Variants in ADTRP observed in about 807,000 individuals in gnomAD.
ADTRP encodes the protein androgen dependent TFPI regulating protein.
A neutral mutation model predicts 27.0 loss-of-function variants in ADTRP; 20 were observed. That is an observed-to-expected ratio of 0.74 (90% CI 0.52 to 1.08). The LOEUF is 1.08. Ranked by LOEUF, ADTRP falls within the 50% of genes least tolerant of loss-of-function variation. ADTRP has a pLI of 0.00. For missense variants in ADTRP, 251 were observed against 275.0 expected, an observed-to-expected ratio of 0.91 and a Z score of 0.62; for synonymous variants, 101 against 105.2, an observed-to-expected ratio of 0.96 and a Z score of 0.25.
intron 3 of ADTRP, among the ~76,000 whole-genome samples, chr6:11,747,983 G>A (rs1479858818): frequency 6.6e-6 from 1 of 152,116 alleles, no homozygotes; most frequent in Non-Finnish European, 1.5e-5. Flanking sequence ...ATCTGACCAC[G>A]GTGGATGTAC....
chr6:11,768,066 C>A (rs1763633547), intron 2 of ADTRP, among the ~76,000 whole-genome samples, 183 bp downstream of exon 2: 1 of 152,190 alleles, frequency 6.6e-6, no homozygotes, highest in African/African-American at 2.4e-5. Flanking sequence ...TAAAGCTGAT[C>A]ACTAATGTGC....
intron 1 of ADTRP, among the ~76,000 whole-genome samples, chr6:11,775,122 G>A (rs1376260517): frequency 2.0e-5 from 3 of 152,136 alleles, no homozygotes; most frequent in Non-Finnish European, 4.4e-5. Flanking sequence ...CTCGGGGAGG[G>A]AGAAATAGTA....
chr6:11,768,483 A>G lies in ADTRP; in HGVS notation c.154-100T>C, dbSNP rs1357176918. 10 of 1,464,078 alleles carry G rather than the reference A, an allele frequency of 6.8e-6. No homozygotes were observed. The East Asian group carries it at 1.8e-4, about 27-fold the overall frequency. The allele number at this position is 1,464,078 out of a possible 1,614,324, so 90.7% of individuals were successfully genotyped here. A position where few individuals can be genotyped will look rare whatever the true frequency, so the allele number is the denominator to read the frequency against. ...TCCCTCTGAGAGTAATGTGGCTTTG[A>G]GAGGGAGAGGGCTGTTGGGTTGTTT... On this transcript the variant is annotated intron_variant, in intron 1 of 5. Coordinates refer to ENST00000414691, the MANE Select transcript of ADTRP (RefSeq NM_032744.4).
At chr6:11,746,359 A>G (rs563195975) in intron 3 of ADTRP, among the ~76,000 whole-genome samples, 3 of 152,280 alleles carry the variant, frequency 2.0e-5, no homozygotes, top group African/African-American at 7.2e-5. Context: ...GAGACACACC[A>G]GTTGAGTCAG....
intron 5 of ADTRP, 112 bp downstream of exon 5, chr6:11,723,237 C>T (rs1762075086): frequency 2.8e-6 from 4 of 1,407,726 alleles, no homozygotes; most frequent in Non-Finnish European, 3.9e-6. Flanking sequence ...TGGACAAAGA[C>T]AGTAAGCATC....
chr6:11,770,127 G>A (rs141763751), intron 1 of ADTRP: 13 of 1,524,400 alleles, frequency 8.5e-6, no homozygotes, highest in African/African-American at 5.5e-5. Context: ...GTTTCTGAGC[G>A]TAGTTCAGAT....
At position 11,714,445 on chromosome 6, in the gene ADTRP, C is replaced by T. The variant is rs761269579; in HGVS notation, c.*33G>A. The T allele has an allele frequency of 1.9e-6, 3 of 1,581,618 alleles. No individual in the cohort carries two copies. Among genetic ancestry groups the T allele is most frequent in the South Asian group, 1.1e-5 (1 of 87,070 alleles). On this transcript the variant is annotated 3_prime_UTR_variant, in exon 6 of 6. Transcript: ENST00000414691. ...AGATGAGAAAAATCTCTTGTGTTTTCTTCTTTCTTGGTTCTTGGAAAATGG... is the reference window on the plus strand; with the variant it reads ...AGATGAGAAAAATCTCTTGTGTTTTTTTCTTTCTTGGTTCTTGGAAAATGG...
chr6:11,735,694 G>T lies in ADTRP; in HGVS notation c.391-11C>A. Reference sequence around the variant, plus strand: ...GAATATGAAAGTGTGCTGCAGGAGAGAAAATGGCAAATCAGAATGGCAGGG... The same window carrying T: ...GAATATGAAAGTGTGCTGCAGGAGATAAAATGGCAAATCAGAATGGCAGGG... On this transcript the variant is annotated splice_polypyrimidine_tract_variant and intron_variant, in intron 3 of 5. Coordinates refer to ENST00000414691, the MANE Select transcript of ADTRP (RefSeq NM_032744.4). The T allele has an allele frequency of 1.9e-6, 3 of 1,591,786 alleles. No individual in the cohort carries two copies. The highest frequency in any genetic ancestry group is 1.7e-5 in the Admixed American group (1 of 59,952).
intron 3 of ADTRP, among the ~76,000 whole-genome samples, chr6:11,740,975 G>C (rs938121206): frequency 2.0e-5 from 3 of 152,160 alleles, no homozygotes; most frequent in Non-Finnish European, 4.4e-5. Context: ...AAAGACTGAA[G>C]TTTTTAAAGA....
intron 3 of ADTRP, among the ~76,000 whole-genome samples, chr6:11,742,195 C>G (rs535085045): frequency 6.6e-6 from 1 of 152,180 alleles, no homozygotes; most frequent in Non-Finnish European, 1.5e-5. Context: ...CCTCTGTCCA[C>G]TATCTATACA....
chr6:11,726,050 A>C (rs1373661186), intron 4 of ADTRP, among the ~76,000 whole-genome samples: 1 of 152,194 alleles, frequency 6.6e-6, no homozygotes, highest in East Asian at 1.9e-4. Context: ...TGGCTTATAC[A>C]TAGGCATTAA....
In ADTRP at chr6:11,735,613, GTCT is replaced by G; in HGVS notation, c.458_460del (p.Lys153del). The stretch of plus-strand genomic sequence containing the variant: ...GGCAGCAGCCAGCAAGGTGAGTCCT[GTCT>G]TCTTTGATGGATAGGAGTGAGGCCT... On this transcript the variant is annotated inframe_deletion, in exon 4 of 6. Transcript: ENST00000414691. The G allele has an allele frequency of 6.2e-7, 1 of 1,614,092 alleles. No homozygotes were observed. The highest frequency in any genetic ancestry group is 8.5e-7 in the Non-Finnish European group (1 of 1,179,968).
chr6:11,725,710 T>C (rs1043992009), intron 4 of ADTRP, among the ~76,000 whole-genome samples: 4 of 151,942 alleles, frequency 2.6e-5, no homozygotes, highest in Non-Finnish European at 5.9e-5. Context: ...AAAACATGGC[T>C]AACATGGTGA....
chr6:11,739,161 A>T (rs1018878867), intron 3 of ADTRP, among the ~76,000 whole-genome samples: 3 of 152,262 alleles, frequency 2.0e-5, no homozygotes, highest in African/African-American at 4.8e-5. Flanking sequence ...AATTACTGGA[A>T]ACACTGACTC....
In ADTRP at chr6:11,719,100, G is replaced by A. The variant is rs544920886; in HGVS notation, c.658+4249C>T. Among the ~76,000 whole-genome samples the A allele has an allele frequency of 3.7e-4, 56 of 152,336 alleles. No homozygotes were observed. In the South Asian group the frequency reaches 0.011, roughly 31 times the overall value. ...ACCATCACCACCAACACCCTTCTCA[G>A]TCCAGCAGCCCACTCAGGAGAGCAC... On this transcript the variant is annotated intron_variant, in intron 5 of 5. Transcript: ENST00000414691.
At chr6:11,762,778 T>C (rs1160848880) in intron 3 of ADTRP, among the ~76,000 whole-genome samples, 1 of 152,070 alleles carries the variant, frequency 6.6e-6, no homozygotes, top group African/African-American at 2.4e-5. Context: ...CTCTGAGGAG[T>C]TCTCTGATCT....
intron 3 of ADTRP, among the ~76,000 whole-genome samples, chr6:11,748,228 A>C (rs1762929020): frequency 6.6e-6 from 1 of 152,160 alleles, no homozygotes; most frequent in Admixed American, 6.5e-5. Flanking sequence ...CTCATTTATA[A>C]CTTTCTGTAT....
At chr6:11,730,844 G>C (rs1259169003) in intron 4 of ADTRP, among the ~76,000 whole-genome samples, 2 of 152,234 alleles carry the variant, frequency 1.3e-5, no homozygotes, top group African/African-American at 4.8e-5. Flanking sequence ...GCATCAGTAG[G>C]TTTCTGGTCT....
intron 5 of ADTRP, chr6:11,717,424 T>C: frequency 7.7e-7 from 1 of 1,303,796 alleles, no homozygotes; most frequent in African/African-American, 1.5e-5. Context: ...ACTGCAGGCA[T>C]GGCCAAGAAA....
Sources: gnomAD v4.1 joint callset for allele counts (sites outside exome capture counted in the v4.1 genomes callset) on GRCh38, gnomAD v4.1.1 for gene constraint, MANE v1.5 for transcripts, NCBI Gene and HGNC (gene_info 2026-07-23, HGNC 2026-07-21) for gene names.